The following MAMLD1 variants were observed in gnomAD, a reference collection of about 807,000 sequenced individuals.
MAMLD1 encodes mastermind-like domain-containing protein 1.
In MAMLD1, 14 loss-of-function variants were observed where a neutral mutation model predicts 45.0. The observed-to-expected ratio is 0.31, with a 90% confidence interval of 0.21 to 0.49. The LOEUF is 0.49. Ranked by LOEUF, MAMLD1 falls within the 20% of genes least tolerant of loss-of-function variation. The pLI is 0.99. For missense variants in MAMLD1, 543 were observed against 603.6 expected (o/e 0.90, Z 1.05); for synonymous variants, 254 against 247.8 (o/e 1.02, Z -0.24).
intron 1 of MAMLD1, among the ~76,000 whole-genome samples, chrX:150,403,941 A>AAAG (rs2033900544): frequency 1.4e-4 from 1 of 7,360 alleles, no homozygotes; most frequent in Non-Finnish European, 3.0e-4. Flanking sequence ...GAAAGAAAGA[A>AAAG]AAGAAAGAAA....
intron 2 of MAMLD1, among the ~76,000 whole-genome samples, chrX:150,455,218 T>C (rs1333031738): frequency 8.9e-6 from 1 of 112,544 alleles, no homozygotes; most frequent in Non-Finnish European, 1.9e-5. Flanking sequence ...GGGCTATATC[T>C]CCAAATGCGC....
rs1217414595 is a variant in MAMLD1 at position 150,395,531 on chromosome X, T to C, written c.-64+32001T>C. 2.7e-5 allele frequency among the ~76,000 whole-genome samples: 3 copies of C among 111,753 alleles called. No homozygotes were observed. The East Asian group carries it at 8.4e-4, about 31-fold the overall frequency. On this transcript the variant is annotated intron_variant, in intron 1 of 7. Transcript: ENST00000370401. The stretch of plus-strand genomic sequence containing the variant: ...TGTGTCATTTCTTCCTTAAGTGTTA[T>C]GTAGAACTCACCAGTGAACCCATCC...
chrX:150,396,149 ATTTTTTTTTTT>A (rs151164752), intron 1 of MAMLD1, among the ~76,000 whole-genome samples: 2 of 39,249 alleles, frequency 5.1e-5, no homozygotes, highest in East Asian at 1.4e-3. Flanking sequence ...TACCTGGCTA[ATTTTTTTTTTT>A]TTTTTTTTTT....
At chrX:150,466,834 C>G (rs1322726186) in intron 3 of MAMLD1, among the ~76,000 whole-genome samples, 5 of 111,834 alleles carry the variant, frequency 4.5e-5, no homozygotes, top group African/African-American at 1.6e-4. Flanking sequence ...TGCCCTGCCT[C>G]CTCCATCCCT....
At chrX:150,476,039 C>T (rs60641334) in intron 5 of MAMLD1, among the ~76,000 whole-genome samples, 7,357 of 111,535 alleles carry the variant, frequency 0.066, 566 homozygotes, top group African/African-American at 0.22. Flanking sequence ...CAACTTTTGC[C>T]CCCACATAAA....
chrX:150,378,416 C>G (rs2032435643), intron 1 of MAMLD1, among the ~76,000 whole-genome samples: 1 of 112,047 alleles, frequency 8.9e-6, no homozygotes, highest in South Asian at 3.7e-4. Flanking sequence ...CAGATATCTC[C>G]ACTGTCCAGT....
intron 5 of MAMLD1, among the ~76,000 whole-genome samples, chrX:150,490,258 T>C (rs1181322540): frequency 2.7e-5 from 3 of 112,134 alleles, no homozygotes; most frequent in African/African-American, 9.7e-5. Flanking sequence ...AAACTGGTGG[T>C]AGAATTAGAC....
intron 5 of MAMLD1, among the ~76,000 whole-genome samples, chrX:150,483,045 T>A (rs905627307): frequency 8.9e-6 from 1 of 112,089 alleles, no homozygotes; most frequent in African/African-American, 3.3e-5. Flanking sequence ...CTGACTGGCT[T>A]TCTGTGCAAA....
chrX:150,405,753 G>A (rs782740370), intron 1 of MAMLD1, among the ~76,000 whole-genome samples: 3 of 111,611 alleles, frequency 2.7e-5, no homozygotes, highest in South Asian at 7.7e-4. Flanking sequence ...AGTAGACGAG[G>A]CTTAATATCA....
At chrX:150,479,086 CT>C (rs1304413049) in intron 5 of MAMLD1, among the ~76,000 whole-genome samples, 2 of 111,419 alleles carry the variant, frequency 1.8e-5, no homozygotes, top group Admixed American at 9.5e-5. Flanking sequence ...TTTTCAGTTT[CT>C]TTTTCGGTTT....
At chrX:150,398,329 G>T in intron 1 of MAMLD1, among the ~76,000 whole-genome samples, 1 of 83,857 alleles carries the variant, frequency 1.2e-5, no homozygotes, top group Admixed American at 1.4e-4. Flanking sequence ...AGAAGAAGAA[G>T]AAGAAGAAGA....
intron 1 of MAMLD1, among the ~76,000 whole-genome samples, chrX:150,409,994 G>C (rs895012923): frequency 5.3e-5 from 6 of 112,298 alleles, no homozygotes; most frequent in African/African-American, 1.9e-4. Context: ...GCAGGACCTT[G>C]AACCTGATAG....
chrX:150,403,002 C>T (rs1216932318), intron 1 of MAMLD1, among the ~76,000 whole-genome samples: 2 of 109,931 alleles, frequency 1.8e-5, no homozygotes, highest in East Asian at 5.7e-4. Context: ...AGCACACCAG[C>T]ACGGCACATG....
At chrX:150,417,103 G>T (rs2034273407) in intron 1 of MAMLD1, among the ~76,000 whole-genome samples, 1 of 110,103 alleles carries the variant, frequency 9.1e-6, no homozygotes. Flanking sequence ...CTGGTGTGCT[G>T]CACCCACTAA....
chrX:150,482,509 G>T (rs2036848497), intron 5 of MAMLD1, among the ~76,000 whole-genome samples: 1 of 112,520 alleles, frequency 8.9e-6, no homozygotes. Flanking sequence ...TTGTTAAAAT[G>T]GTACATTTTA....
chrX:150,404,227 C>A (rs1470719008), intron 1 of MAMLD1, among the ~76,000 whole-genome samples: 1 of 111,816 alleles, frequency 8.9e-6, no homozygotes, highest in African/African-American at 3.3e-5. Flanking sequence ...GGTAAGGAGG[C>A]AAGGTCCACT....
At chrX:150,381,700 G>A (rs1030515601) in intron 1 of MAMLD1, among the ~76,000 whole-genome samples, 2 of 112,047 alleles carry the variant, frequency 1.8e-5, no homozygotes, top group Non-Finnish European at 3.8e-5. Flanking sequence ...GTGCAATACA[G>A]GAGTAGTCCA....
intron 5 of MAMLD1, among the ~76,000 whole-genome samples, chrX:150,498,150 G>T (rs190507858): frequency 9.9e-5 from 11 of 110,682 alleles, no homozygotes; most frequent in African/African-American, 3.6e-4. Flanking sequence ...AGCCATGTTG[G>T]CCAGACCACA....
At chrX:150,463,632 G>C (rs782748196) in intron 3 of MAMLD1, among the ~76,000 whole-genome samples, 2 of 112,106 alleles carry the variant, frequency 1.8e-5, no homozygotes, top group Non-Finnish European at 3.8e-5. Context: ...TGCCCACCCA[G>C]GTTTGCTCAT....
Sources: allele counts gnomAD v4.1 joint callset (sites outside exome capture counted in the v4.1 genomes callset), GRCh38; gene constraint gnomAD v4.1.1; transcripts MANE v1.5; gene names NCBI Gene and HGNC (gene_info 2026-07-23, HGNC 2026-07-21).